Variants in PRKCH observed in about 807,000 individuals in gnomAD.
PRKCH encodes protein kinase C eta.
A neutral mutation model predicts 82.5 loss-of-function variants in PRKCH; 28 were observed. That is an observed-to-expected ratio of 0.34 (90% CI 0.25 to 0.47). PRKCH has a LOEUF of 0.47. Among genes scored for constraint, PRKCH ranks in the 20% least tolerant of loss-of-function variants. The pLI is 1.00. For missense variants in PRKCH, 705 were observed against 881.8 expected (o/e 0.80, Z 2.54); for synonymous variants, 322 against 327.4 (o/e 0.98, Z 0.18).
At chr14:61,530,795 G>GTAGTTATT (rs1173336285) in intron 12 of PRKCH, among the ~76,000 whole-genome samples, 200 bp downstream of exon 12, 13 of 152,352 alleles carry the variant, frequency 8.5e-5, no homozygotes, top group African/African-American at 3.1e-4. Flanking sequence ...CTCTTATGCA[G>GTAGTTATT]TAGTTATTTT....
chr14:61,205,262 G>C (rs1302985079), intron 1 of PRKCH, among the ~76,000 whole-genome samples: 1 of 152,190 alleles, frequency 6.6e-6, no homozygotes, highest in East Asian at 1.9e-4. Context: ...AAGAGCCCAT[G>C]GGTTTCCTTA....
chr14:61,339,911 C>T (rs757849880), intron 1 of PRKCH, among the ~76,000 whole-genome samples: 2 of 151,506 alleles, frequency 1.3e-5, no homozygotes, highest in Middle Eastern at 3.2e-3. Context: ...TCTCCAAGTG[C>T]GGGGCTCAAG....
In PRKCH at chr14:61,340,833, C is replaced by T. The variant is rs546232641; in HGVS notation, c.363+18369C>T. On this transcript the variant is annotated intron_variant, in intron 1 of 13. Transcript: ENST00000332981. ...TTTTCCCGGTCAGAACTGGTCTTGCCGTTGTTCAGTCACCTGGCCACCATT... is the reference window on the plus strand; with the variant it reads ...TTTTCCCGGTCAGAACTGGTCTTGCTGTTGTTCAGTCACCTGGCCACCATT... Among the ~76,000 whole-genome samples the T allele has an allele frequency of 6.6e-5, 10 of 152,302 alleles. No homozygotes were observed. The South Asian group carries it at 1.7e-3, about 25-fold the overall frequency.
intron 10 of PRKCH, among the ~76,000 whole-genome samples, chr14:61,508,394 G>A (rs1887243229): frequency 6.6e-6 from 1 of 152,168 alleles, no homozygotes; most frequent in South Asian, 2.1e-4. Flanking sequence ...TCCCCTCTAG[G>A]TAGTGATAGA....
At chr14:61,227,601 G>A (rs113162042) in intron 1 of PRKCH, among the ~76,000 whole-genome samples, 2 of 151,422 alleles carry the variant, frequency 1.3e-5, no homozygotes, top group African/African-American at 2.4e-5. Context: ...TCAAAAAATA[G>A]ATAAATAAAT....
chr14:61,346,846 C>T (rs2045998591), intron 1 of PRKCH, among the ~76,000 whole-genome samples: 1 of 152,208 alleles, frequency 6.6e-6, no homozygotes, highest in African/African-American at 2.4e-5. Context: ...TGGACTTCAA[C>T]CAAACAGCCA....
chr14:61,369,171 A>G (rs1182956959), intron 1 of PRKCH, among the ~76,000 whole-genome samples: 1 of 152,136 alleles, frequency 6.6e-6, no homozygotes, highest in Non-Finnish European at 1.5e-5. Context: ...AAGACCCACT[A>G]AAGCAGTGGT....
Position 61,299,147 on chromosome 14 carries a change from G to A in PRKCH, c.-19+111479G>A, listed in dbSNP as rs527816875. Among the ~76,000 whole-genome samples, 4 of 152,300 alleles carry A rather than the reference G, an allele frequency of 2.6e-5. No individual in the cohort carries two copies. The South Asian group carries it at 8.3e-4, about 32-fold the overall frequency. Reference sequence around the variant, plus strand: ...ACTTCATTTACACCATGAGAACACAGTGTATAGGTGCCGTAAGGGACATGT... The same window carrying A: ...ACTTCATTTACACCATGAGAACACAATGTATAGGTGCCGTAAGGGACATGT... On this transcript the variant is annotated intron_variant, in intron 1 of 3. Transcript: ENST00000555185.
chr14:61,481,321 T>C (rs74057720), intron 9 of PRKCH, among the ~76,000 whole-genome samples: 3,050 of 152,314 alleles, frequency 0.02, 100 homozygotes, highest in African/African-American at 0.07. Context: ...GTGGAGCTGC[T>C]GGGACCTGAA....
At chr14:61,271,367 A>G (rs1649712118) in intron 1 of PRKCH, among the ~76,000 whole-genome samples, 1 of 152,212 alleles carries the variant, frequency 6.6e-6, no homozygotes, top group Admixed American at 6.5e-5. Context: ...TGAAGTCTTC[A>G]GTTCTGGTAG....
intron 1 of PRKCH, among the ~76,000 whole-genome samples, chr14:61,334,212 T>G (rs1250089024): frequency 6.6e-6 from 1 of 152,140 alleles, no homozygotes; most frequent in Non-Finnish European, 1.5e-5. Flanking sequence ...AGTATCTACC[T>G]TGTGCCTGAG....
intron 1 of PRKCH, among the ~76,000 whole-genome samples, chr14:61,370,718 G>A (rs1014633009): frequency 1.1e-4 from 16 of 151,832 alleles, no homozygotes; most frequent in South Asian, 4.2e-4. Context: ...CTCTTTCTTC[G>A]CTCTCTGTAT....
chr14:61,222,949 A>C (rs1441999963), intron 1 of PRKCH, among the ~76,000 whole-genome samples: 3 of 152,114 alleles, frequency 2.0e-5, no homozygotes, highest in African/African-American at 7.2e-5. Context: ...AACCTGGGAG[A>C]TATTTTCAGC....
chr14:61,421,375 C>T (rs1461159119), intron 2 of PRKCH, among the ~76,000 whole-genome samples: 6 of 152,018 alleles, frequency 3.9e-5, no homozygotes, highest in African/African-American at 1.5e-4. Context: ...TTATAATGTA[C>T]AAATTGTTCT....
intron 2 of PRKCH, among the ~76,000 whole-genome samples, chr14:61,433,710 T>C (rs1193870152): frequency 6.6e-6 from 1 of 152,210 alleles, no homozygotes; most frequent in African/African-American, 2.4e-5. Context: ...ACTTTAGTAT[T>C]AGTGGCTACA....
chr14:61,322,645 C>T, intron 1 of PRKCH, 181 bp downstream of exon 1: 2 of 799,136 alleles, frequency 2.5e-6, no homozygotes, highest in Non-Finnish European at 1.9e-6. Context: ...TGTGTGCAGG[C>T]GCAGGTGTGT....
intron 9 of PRKCH, among the ~76,000 whole-genome samples, chr14:61,481,490 A>G (rs1021932445): frequency 6.6e-6 from 1 of 152,214 alleles, no homozygotes; most frequent in Non-Finnish European, 1.5e-5. Flanking sequence ...TCTGACTCCC[A>G]TTGCCTAAAC....
chr14:61,532,275 T>G (rs2043051917), intron 12 of PRKCH, among the ~76,000 whole-genome samples: 1 of 152,218 alleles, frequency 6.6e-6, no homozygotes, highest in Non-Finnish European at 1.5e-5. Context: ...GTTATCAGCA[T>G]TGGTGTATAA....
intron 2 of PRKCH, among the ~76,000 whole-genome samples, chr14:61,430,794 GC>G (rs1461109145): frequency 1.4e-5 from 2 of 147,554 alleles, no homozygotes; most frequent in African/African-American, 5.0e-5. Flanking sequence ...TTGCTCTGTT[GC>G]CCAGGCTAGA....
Sources: gnomAD v4.1 joint callset for allele counts (sites outside exome capture counted in the v4.1 genomes callset) on GRCh38, gnomAD v4.1.1 for gene constraint, MANE v1.5 for transcripts, NCBI Gene and HGNC (gene_info 2026-07-23, HGNC 2026-07-21) for gene names.